The following HIPK2 variants were observed in gnomAD, a reference collection of about 807,000 sequenced individuals.
The protein encoded by HIPK2 is homeodomain interacting protein kinase 2, also known as homeodomain-interacting protein kinase 2.
HIPK2 carries 27 observed loss-of-function variants against 113.7 expected under a neutral mutation model. The observed-to-expected ratio is 0.24, with a 90% CI of 0.17 to 0.33. The LOEUF (loss-of-function observed/expected upper bound fraction) is 0.33. HIPK2 is among the 10% of genes least tolerant of loss of function. The probability of loss-of-function intolerance (pLI) is 1.00; values close to 1 mark genes in which losing one functional copy is unlikely to be tolerated. For missense variants in HIPK2, 1,257 were observed against 1,588.0 expected (o/e 0.79, Z 3.54); for synonymous variants, 631 against 642.2 (o/e 0.98, Z 0.26).
At chr7:139,627,168 G>C (rs1284057910) in intron 5 of HIPK2, among the ~76,000 whole-genome samples, 1 of 152,176 alleles carries the variant, frequency 6.6e-6, no homozygotes, top group South Asian at 2.1e-4. Context: ...GCATAACAAT[G>C]GGAGTGTTAA....
At chr7:139,775,235 T>C (rs1796720494) in intron 1 of HIPK2, among the ~76,000 whole-genome samples, 1 of 152,194 alleles carries the variant, frequency 6.6e-6, no homozygotes, top group Non-Finnish European at 1.5e-5. Flanking sequence ...TGTGCTCTGA[T>C]TGAGACAGGG....
intron 2 of HIPK2, among the ~76,000 whole-genome samples, chr7:139,663,810 AAGG>A (rs757903759): frequency 4.0e-4 from 61 of 152,228 alleles, no homozygotes; most frequent in Non-Finnish European, 7.1e-4. Context: ...CAGACTGAGC[AAGG>A]AGAAGGAACT....
chr7:139,687,840 G>A (rs1047427129), intron 2 of HIPK2, among the ~76,000 whole-genome samples: 5 of 152,182 alleles, frequency 3.3e-5, no homozygotes, highest in Non-Finnish European at 5.9e-5. Context: ...ATATTCTGGG[G>A]CAGTTTGGGG....
chr7:139,693,418 T>C (rs1794469447), intron 2 of HIPK2, among the ~76,000 whole-genome samples: 1 of 152,174 alleles, frequency 6.6e-6, no homozygotes, highest in Non-Finnish European at 1.5e-5. Flanking sequence ...CCCTGAGGGA[T>C]TAGGAAGGGG....
intron 11 of HIPK2, 68 bp from the exon 12 acceptor site, chr7:139,597,066 A>G (rs1799246999): frequency 1.3e-6 from 2 of 1,494,412 alleles, no homozygotes; most frequent in Middle Eastern, 2.4e-4. Context: ...GAAGGAGCCC[A>G]ATTGCCTAGA....
At chr7:139,593,471 C>T (rs148418051) in intron 12 of HIPK2, among the ~76,000 whole-genome samples, 247 of 152,318 alleles carry the variant, frequency 1.6e-3, no homozygotes, top group African/African-American at 5.7e-3. Flanking sequence ...GTGCCACATA[C>T]GTGGGGTCAG....
At chr7:139,753,272 G>T (rs1796309920) in intron 1 of HIPK2, among the ~76,000 whole-genome samples, 1 of 152,178 alleles carries the variant, frequency 6.6e-6, no homozygotes, top group African/African-American at 2.4e-5. Context: ...GCTTTAAGCT[G>T]AGTGGCAGGT....
chr7:139,633,095 C>CAAAAAA (rs942820284), intron 2 of HIPK2, among the ~76,000 whole-genome samples: 38 of 74,572 alleles, frequency 5.1e-4, no homozygotes, highest in Non-Finnish European at 7.1e-4. Context: ...GACCCTGTCT[C>CAAAAAA]AAAAAAAAAA....
intron 2 of HIPK2, among the ~76,000 whole-genome samples, chr7:139,688,781 C>G (rs975224875): frequency 1.3e-5 from 2 of 152,132 alleles, no homozygotes; most frequent in African/African-American, 4.8e-5. Flanking sequence ...AAAATCCAGA[C>G]AGCAAAACTT....
chr7:139,733,416 G>A (rs1246472058), intron 1 of HIPK2, among the ~76,000 whole-genome samples: 2 of 152,160 alleles, frequency 1.3e-5, no homozygotes, highest in Non-Finnish European at 2.9e-5. Context: ...TTAACCAAAA[G>A]CACTATCCTT....
chr7:139,772,389 A>T (rs1796666363), intron 1 of HIPK2, among the ~76,000 whole-genome samples: 1 of 152,258 alleles, frequency 6.6e-6, no homozygotes, highest in South Asian at 2.1e-4. Flanking sequence ...TGTGCAAATA[A>T]GAAACGTATT....
In HIPK2 at chr7:139,572,791, C is replaced by CCCCCCCCCCCA; in HGVS notation, c.*135_*136insTGGGGGGGGGG. On this transcript the variant is annotated 3_prime_UTR_variant, in exon 15 of 15. Transcript: ENST00000406875. ...CCCCCCCCCCCCCCCCGCCCCTGCC[C>CCCCCCCCCCCA]CGTTTGCATTGTTTGTGTGCGGCAT... 1 of 196,846 alleles carries CCCCCCCCCCCA rather than the reference C, an allele frequency of 5.1e-6. No individual in the cohort carries two copies. The highest frequency in any genetic ancestry group is 9.6e-6 in the Non-Finnish European group (1 of 103,862). 12.2% of individuals were successfully genotyped at this position (196,846 alleles called of 1,614,324 possible).
intron 1 of HIPK2, among the ~76,000 whole-genome samples, chr7:139,755,736 C>T (rs999234976): frequency 3.1e-4 from 47 of 152,342 alleles, no homozygotes; most frequent in Non-Finnish European, 7.3e-5. Context: ...CCTCCAGTAC[C>T]AGAGAAATCG....
chr7:139,591,976 A>AGT (rs1160864120), intron 12 of HIPK2, among the ~76,000 whole-genome samples: 1 of 152,186 alleles, frequency 6.6e-6, no homozygotes, highest in Admixed American at 6.5e-5. Context: ...ATAATAAATG[A>AGT]GTGTGTGTGG....
At chr7:139,674,456 A>C (rs1802422250) in intron 2 of HIPK2, among the ~76,000 whole-genome samples, 1 of 152,202 alleles carries the variant, frequency 6.6e-6, no homozygotes, top group Non-Finnish European at 1.5e-5. Context: ...TGGGGATGAG[A>C]TGCGTGCTGA....
At chr7:139,636,509 T>C (rs903410355) in intron 2 of HIPK2, among the ~76,000 whole-genome samples, 2 of 152,072 alleles carry the variant, frequency 1.3e-5, no homozygotes, top group African/African-American at 2.4e-5. Flanking sequence ...CCTAATCCAA[T>C]GTGACTTGCA....
Position 139,593,098 on chromosome 7 carries a change from G to T in HIPK2, c.2717+3619C>A, listed in dbSNP as rs143279868. On this transcript the variant is annotated intron_variant, in intron 12 of 14. Coordinates refer to ENST00000406875, the MANE Select transcript of HIPK2 (RefSeq NM_022740.5). ...ATAGTGGTAGTCACAGGAGGGAGCA[G>T]GATAGAATCTGTATTCATTGAATGA... Among the ~76,000 whole-genome samples, 500 of 152,344 alleles carry T rather than the reference G, an allele frequency of 3.3e-3. 7 individuals carry two copies. The highest frequency in any genetic ancestry group is 0.011 in the African/African-American group (473 of 41,568).
In HIPK2 at chr7:139,608,136, C is replaced by T. The variant is rs560685042; in HGVS notation, c.2113-3913G>A. 7.7e-4 allele frequency among the ~76,000 whole-genome samples: 116 copies of T among 151,516 alleles called. No homozygotes were observed. In the Middle Eastern group the frequency reaches 0.01, roughly 13 times the overall value. On this transcript the variant is annotated intron_variant, in intron 9 of 14. Coordinates refer to ENST00000406875, the MANE Select transcript of HIPK2 (RefSeq NM_022740.5). The stretch of plus-strand genomic sequence containing the variant: ...GCACATGCCTGTAATCCCAGCTACT[C>T]GGGAGGCTGAGGCACGAGAATTGCT...
intron 2 of HIPK2, among the ~76,000 whole-genome samples, chr7:139,638,862 T>A (rs1800906947): frequency 1.3e-5 from 2 of 152,138 alleles, no homozygotes; most frequent in South Asian, 4.1e-4. Context: ...TTTCACCATG[T>A]TAGCTAGGAT....
Sources: allele counts gnomAD v4.1 joint callset (sites outside exome capture counted in the v4.1 genomes callset), GRCh38; gene constraint gnomAD v4.1.1; transcripts MANE v1.5; gene names NCBI Gene and HGNC (gene_info 2026-07-23, HGNC 2026-07-21).